Variants in KCNK6 observed in about 807,000 individuals in gnomAD.
KCNK6 encodes the protein potassium two pore domain channel subfamily K member 6.
In KCNK6, 20 loss-of-function variants were observed where a neutral mutation model predicts 21.9. That is an observed-to-expected ratio of 0.91 (90% confidence interval 0.64 to 1.32). The LOEUF is 1.32. KCNK6 is among the 40% of genes most tolerant of loss of function. The pLI is 0.00. For missense variants in KCNK6, 415 were observed against 433.1 expected, an observed-to-expected ratio of 0.96 and a Z score of 0.37; for synonymous variants, 210 against 218.0, an observed-to-expected ratio of 0.96 and a Z score of 0.32.
intron 1 of KCNK6, chr19:38,325,644 G>C: frequency 6.4e-6 from 4 of 621,728 alleles, no homozygotes; most frequent in Non-Finnish European, 8.0e-6. Context: ...GTAAGAGGAT[G>C]TTACCATTTA....
intron 1 of KCNK6, chr19:38,325,247 G>C (rs1259013295): frequency 1.1e-5 from 2 of 190,270 alleles, no homozygotes; most frequent in Non-Finnish European, 1.9e-5. Flanking sequence ...CTGCTGAGTA[G>C]CTGGGACTAT....
chr19:38,327,149 G>A (rs1386266758), intron 2 of KCNK6, 31 bp from the exon 3 acceptor site: 1 of 1,605,164 alleles, frequency 6.2e-7, no homozygotes. Flanking sequence ...TGAGCCCCAG[G>A]ATGACCAACG....
chr19:38,326,419 A>G (rs1969707296), intron 1 of KCNK6, among the ~76,000 whole-genome samples, 174 bp from the exon 2 acceptor site: 2 of 152,132 alleles, frequency 1.3e-5, no homozygotes, highest in African/African-American at 4.8e-5. Flanking sequence ...CGTGCTGGAC[A>G]TGCCTGTAGT....
At chr19:38,325,419 G>A (rs1001383353) in intron 1 of KCNK6, 2 of 985,384 alleles carry the variant, frequency 2.0e-6, no homozygotes, top group South Asian at 9.4e-5. Context: ...CTGGCCCATT[G>A]TCTCGCCCAT....
intron 1 of KCNK6, among the ~76,000 whole-genome samples, chr19:38,324,292 A>G (rs1969684130): frequency 6.6e-6 from 1 of 151,832 alleles, no homozygotes; most frequent in Non-Finnish European, 1.5e-5. Context: ...CCCATCAAAA[A>G]CCCTTGTATT....
In KCNK6 at chr19:38,319,888, G is replaced by A. The variant is rs1156846468; in HGVS notation, c.-63G>A. ...CCGGAACTGGAACTAGGTGCCAGAC[G>A]GTCCGGAGGCGGGGGCCACGTCAGC... On this transcript the variant is annotated 5_prime_UTR_variant, in exon 1 of 3. Transcript: ENST00000263372. 1.5e-6 allele frequency: 2 copies of A among 1,339,080 alleles called. No homozygotes were observed. The highest frequency in any genetic ancestry group is 1.9e-6 in the Non-Finnish European group (2 of 1,047,496). The allele number at this position is 1,339,080 out of a possible 1,614,324, so 82.9% of individuals were successfully genotyped here. A position where few individuals can be genotyped will look rare whatever the true frequency, so the allele number is the denominator to read the frequency against.
chr19:38,322,246 G>A (rs533041753), intron 1 of KCNK6, among the ~76,000 whole-genome samples: 2 of 152,184 alleles, frequency 1.3e-5, no homozygotes, highest in South Asian at 4.1e-4. Flanking sequence ...CTTAGAAGAA[G>A]GGTGCTGTGT....
rs951501141 is a variant in KCNK6, at chr19:38,331,058, G to C, written c.*3655G>C. On this transcript the variant is annotated 3_prime_UTR_variant, in exon 3 of 3. Transcript: ENST00000263372. ...AGACATTAAAAAAGCCAGGCTCAGCGGCTCATGCCTGTAATCCCAACACTT... is the reference window on the plus strand; with the variant it reads ...AGACATTAAAAAAGCCAGGCTCAGCCGCTCATGCCTGTAATCCCAACACTT... 6.6e-6 allele frequency: 1 copy of C among 152,256 alleles called. No homozygotes were observed. Among genetic ancestry groups the C allele is most frequent in the African/African-American group, 2.4e-5 (1 of 41,462 alleles). The allele number at this position is 152,256 out of a possible 1,614,324, so 9.4% of individuals were successfully genotyped here.
At chr19:38,323,734 G>A (rs761417158) in intron 1 of KCNK6, among the ~76,000 whole-genome samples, 3 of 152,144 alleles carry the variant, frequency 2.0e-5, no homozygotes, top group Admixed American at 6.5e-5. Flanking sequence ...ACACGTGCAC[G>A]CCACTGCACC....
chr19:38,329,185 A>C lies in KCNK6; in HGVS notation c.*1782A>C, dbSNP rs1164204330. 1 of 151,522 alleles carries C rather than the reference A, an allele frequency of 6.6e-6. No homozygotes were observed. Among genetic ancestry groups the C allele is most frequent in the Non-Finnish European group, 1.5e-5 (1 of 67,952 alleles). The allele number at this position is 151,522 out of a possible 1,614,324, so 9.4% of individuals were successfully genotyped here. Reference sequence around the variant, plus strand: ...GGGGCGGAGCCTGCAATGAGCCGAGATCGCGCCACTGCATCCAACCTGGGT... The same window carrying C: ...GGGGCGGAGCCTGCAATGAGCCGAGCTCGCGCCACTGCATCCAACCTGGGT... On this transcript the variant is annotated 3_prime_UTR_variant, in exon 3 of 3. Transcript: ENST00000263372.
At chr19:38,321,030 T>C (rs1969646335) in intron 1 of KCNK6, among the ~76,000 whole-genome samples, 2 of 151,922 alleles carry the variant, frequency 1.3e-5, no homozygotes, top group Admixed American at 1.3e-4. Flanking sequence ...TGACTTTATC[T>C]CTAGTCTGGG....
rs1969733272 is a variant in KCNK6 at position 38,328,207 on chromosome 19, G to A, written c.*804G>A. 6.6e-6 allele frequency: 1 copy of A among 152,292 alleles called. No individual in the cohort carries two copies. The highest frequency in any genetic ancestry group is 1.5e-5 in the Non-Finnish European group (1 of 68,090). The allele number at this position is 152,292 out of a possible 1,614,324, so 9.4% of individuals were successfully genotyped here. On this transcript the variant is annotated 3_prime_UTR_variant, in exon 3 of 3. Coordinates refer to ENST00000263372, the MANE Select transcript of KCNK6 (RefSeq NM_004823.3). ...CTGAACTATGAGAAATAGGCAGGAA[G>A]AAGTTGTACCTGACTCATTTTTCTC...
rs565514694 is a variant in KCNK6 at position 38,327,301 on chromosome 19, T to A, written c.840T>A (p.Asn280Lys). The change falls in exon 3 of 3, where the codon AAT (asparagine) becomes AAA (lysine). Residue 280 changes from asparagine (N) to lysine (K), a missense_variant. Transcript: ENST00000263372. ...LLPPPCPASF[N>K]ADEDDRVDIL... is the part of the protein sequence containing the mutation. ...CCCCTCCGTGCCCTGCCAGTTTCAA[T>A]GCGGATGAGGACGATCGGGTGGACA... 8.1e-6 allele frequency: 13 copies of A among 1,613,552 alleles called. No individual in the cohort carries two copies. The highest frequency in any genetic ancestry group is 1.0e-5 in the Non-Finnish European group (12 of 1,180,012).
rs1418273907 is a variant in KCNK6 at position 38,326,831 on chromosome 19, GC to G, written c.563del (p.Pro188ArgfsTer3). The G allele has an allele frequency of 3.1e-6, 5 of 1,609,728 alleles. No homozygotes were observed. Among genetic ancestry groups the G allele is most frequent in the Non-Finnish European group, 4.2e-6 (5 of 1,179,990 alleles). On this transcript the variant is annotated frameshift_variant, in exon 2 of 3. Transcript: ENST00000263372. LOFTEE classifies it high-confidence loss of function. ...GVVVTVCFLV[P>X]AVIFAHLEEA... ...TCGTAGTGACCGTCTGCTTTCTGGT[GC>G]CGGCTGTGATCTTTGCCCACCTCGA...
At position 38,328,825 on chromosome 19, in the gene KCNK6, G is replaced by T. The variant is rs1969739488; in HGVS notation, c.*1422G>T. The T allele has an allele frequency of 7.8e-6, 1 of 128,878 alleles. No homozygotes were observed. The highest frequency in any genetic ancestry group is 2.7e-4 in the South Asian group (1 of 3,670). The allele number at this position is 128,878 out of a possible 1,614,324, so 8.0% of individuals were successfully genotyped here. On this transcript the variant is annotated 3_prime_UTR_variant, in exon 3 of 3. Transcript: ENST00000263372. ...TGGCACTGCTGCACTCCAGCCTGCG[G>T]GACAGAGTGAGACCCTGTCTGAAAG... is the stretch of plus-strand genomic sequence containing the variant.
chr19:38,328,930 AAGAG>A lies in KCNK6; in HGVS notation c.*1529_*1532del, dbSNP rs1181617476. The A allele has an allele frequency of 6.7e-6, 1 of 149,762 alleles. No individual in the cohort carries two copies. The highest frequency in any genetic ancestry group is 6.7e-5 in the Admixed American group (1 of 15,028). 9.3% of individuals were successfully genotyped at this position (149,762 alleles called of 1,614,324 possible). ...AGATGGAAGGAAGGAAGGAAAAAGA[AAGAG>A]AAAGAGAGAGAGAGAGAAAGAAAAA... On this transcript the variant is annotated 3_prime_UTR_variant, in exon 3 of 3. Transcript: ENST00000263372.
chr19:38,326,835 G>T lies in KCNK6; in HGVS notation c.565G>T (p.Ala189Ser). 1 of 1,610,310 alleles carries T rather than the reference G, an allele frequency of 6.2e-7. No individual in the cohort carries two copies. ...AGTGACCGTCTGCTTTCTGGTGCCG[G>T]CTGTGATCTTTGCCCACCTCGAGGA... The part of the protein sequence containing the change: ...VVVTVCFLVP[A>S]VIFAHLEEAW... Residue 189 changes from alanine (A) to serine (S), a missense_variant, in exon 2 of 3, where the codon GCT becomes TCT. Coordinates refer to ENST00000263372, the MANE Select transcript of KCNK6 (RefSeq NM_004823.3).
intron 1 of KCNK6, chr19:38,325,508 G>A (rs1969698354): frequency 3.0e-6 from 3 of 985,432 alleles, no homozygotes; most frequent in Non-Finnish European, 2.4e-6. Context: ...AGTACTGATC[G>A]AGCGCCCACA....
rs1372899984 is a variant in KCNK6, at chr19:38,327,383, T to A, written c.922T>A (p.Tyr308Asn). ...QQLSASSHTD[Y>N]ASIPR ...ACTCTCTGCCAGCTCCCACACCGACTACGCTTCCATCCCCAGGTAGCTGGG... is the reference window on the plus strand; with the variant it reads ...ACTCTCTGCCAGCTCCCACACCGACAACGCTTCCATCCCCAGGTAGCTGGG... The change falls in exon 3 of 3, where the codon TAC becomes AAC. Residue 308 changes from tyrosine to asparagine, a missense_variant. By Grantham distance (143) the Tyr-to-Asn change is moderately radical. Coordinates refer to ENST00000263372, the MANE Select transcript of KCNK6 (RefSeq NM_004823.3). The A allele has an allele frequency of 1.9e-6, 3 of 1,609,512 alleles. No individual in the cohort carries two copies. The African/African-American group carries it at 4.0e-5, about 21-fold the overall frequency.
Sources: gnomAD v4.1 joint callset for allele counts (sites outside exome capture counted in the v4.1 genomes callset) on GRCh38, gnomAD v4.1.1 for gene constraint, MANE v1.5 for transcripts, NCBI Gene and HGNC (gene_info 2026-07-23, HGNC 2026-07-21) for gene names.